CSMD3: variants seen among roughly 807,000 people sequenced by gnomAD.
CSMD3 encodes the protein CUB and Sushi multiple domains 3.
A neutral mutation model predicts 435.2 loss-of-function variants in CSMD3; 177 were observed. That is an observed-to-expected ratio of 0.41 (90% CI 0.36 to 0.46). The LOEUF is 0.46. CSMD3 is among the 20% of genes least tolerant of loss of function. The probability of loss-of-function intolerance (pLI) is 0.34; values close to 1 mark genes in which losing one functional copy is unlikely to be tolerated. For synonymous variants in CSMD3, 1,656 were observed against 1,520.5 expected (o/e 1.09, Z -2.07); for missense variants, 4,265 against 4,504.6 (o/e 0.95, Z 1.52).
chr8:112,952,765 T>G (rs1435419522), intron 8 of CSMD3, among the ~76,000 whole-genome samples: 1 of 151,690 alleles, frequency 6.6e-6, no homozygotes, highest in East Asian at 1.9e-4. Flanking sequence ...AATGAATAAA[T>G]GCAAAATTTA....
At position 112,697,228 on chromosome 8, in the gene CSMD3, T is replaced by C. The variant is rs371630890; in HGVS notation, c.1973-7178A>G. Reference sequence around the variant, plus strand: ...TTGACCCAGCCATCCCATTACTGGGTATATACCCAAAGGATTATAAATCAT... The same window carrying C: ...TTGACCCAGCCATCCCATTACTGGGCATATACCCAAAGGATTATAAATCAT... On this transcript the variant is annotated intron_variant, in intron 13 of 70. Coordinates refer to ENST00000297405, the MANE Select transcript of CSMD3 (RefSeq NM_198123.2). 2.6e-5 allele frequency among the ~76,000 whole-genome samples: 4 copies of C among 152,286 alleles called. No individual in the cohort carries two copies. In the South Asian group the frequency reaches 8.3e-4, roughly 32 times the overall value.
intron 32 of CSMD3, among the ~76,000 whole-genome samples, chr8:112,445,535 C>G (rs1236946280): frequency 1.3e-5 from 2 of 152,064 alleles, no homozygotes; most frequent in Non-Finnish European, 2.9e-5. Context: ...TTTAGACAAC[C>G]AGCTATCACA....
At chr8:112,606,705 G>A (rs1832818462) in intron 22 of CSMD3, among the ~76,000 whole-genome samples, 1 of 151,892 alleles carries the variant, frequency 6.6e-6, no homozygotes, top group Non-Finnish European at 1.5e-5. Context: ...TCAACTTAAT[G>A]GTATACAACT....
At chr8:112,373,075 G>C (rs1039302472) in intron 38 of CSMD3, among the ~76,000 whole-genome samples, 1 of 149,578 alleles carries the variant, frequency 6.7e-6, no homozygotes, top group African/African-American at 2.4e-5. Flanking sequence ...CACTTGCTGG[G>C]AGGAATCTCA....
intron 36 of CSMD3, among the ~76,000 whole-genome samples, chr8:112,386,725 C>T (rs1452704010): frequency 6.6e-6 from 1 of 151,974 alleles, no homozygotes; most frequent in Non-Finnish European, 1.5e-5. Context: ...TCGCTATCTC[C>T]TGACCTCGTG....
At chr8:113,108,158 G>A (rs148806249) in intron 4 of CSMD3, among the ~76,000 whole-genome samples, 1 of 152,186 alleles carries the variant, frequency 6.6e-6, no homozygotes, top group Non-Finnish European at 1.5e-5. Context: ...GGCTGGGGAT[G>A]GTGGCTCACA....
At chr8:113,300,292 G>A (rs1166043690) in intron 2 of CSMD3, among the ~76,000 whole-genome samples, 1 of 151,886 alleles carries the variant, frequency 6.6e-6, no homozygotes, top group Non-Finnish European at 1.5e-5. Flanking sequence ...TGAACTAAAT[G>A]TAGAACTACC....
chr8:112,524,931 A>T (rs529463314), intron 27 of CSMD3, among the ~76,000 whole-genome samples: 2 of 151,678 alleles, frequency 1.3e-5, no homozygotes, highest in South Asian at 4.2e-4. Flanking sequence ...CCTTTTTACT[A>T]TTTTTTCTAA....
At chr8:112,636,368 T>C (rs191824285) in intron 22 of CSMD3, among the ~76,000 whole-genome samples, 11 of 152,248 alleles carry the variant, frequency 7.2e-5, no homozygotes, top group Admixed American at 1.3e-4. Context: ...CTTTTATGCA[T>C]GTTAATTTTA....
intron 1 of CSMD3, among the ~76,000 whole-genome samples, chr8:113,366,257 A>C: frequency 6.6e-6 from 1 of 151,982 alleles, no homozygotes; most frequent in East Asian, 1.9e-4. Context: ...ACCTCACCAA[A>C]GAGCCCTCTG....
chr8:112,361,215 C>A (rs1827169064), intron 38 of CSMD3, among the ~76,000 whole-genome samples: 1 of 151,538 alleles, frequency 6.6e-6, no homozygotes, highest in Admixed American at 6.6e-5. Flanking sequence ...CGTTGGCAAC[C>A]AAAGCTGCTC....
intron 13 of CSMD3, among the ~76,000 whole-genome samples, chr8:112,727,529 T>A (rs2076991451): frequency 6.6e-6 from 1 of 151,896 alleles, no homozygotes; most frequent in African/African-American, 2.4e-5. Flanking sequence ...TCAAGATTCT[T>A]AATGACTTCA....
intron 38 of CSMD3, among the ~76,000 whole-genome samples, chr8:112,358,182 G>A (rs1228487340): frequency 1.3e-5 from 2 of 152,110 alleles, no homozygotes; most frequent in Non-Finnish European, 2.9e-5. Flanking sequence ...CATGGGGCCT[G>A]TAGCACCTTT....
chr8:112,810,279 T>G (rs1335456811), intron 12 of CSMD3, among the ~76,000 whole-genome samples: 1 of 151,440 alleles, frequency 6.6e-6, no homozygotes, highest in African/African-American at 2.5e-5. Flanking sequence ...GTAACTAATA[T>G]GTGTCTAAAT....
At chr8:113,294,959 A>T (rs1176491974) in intron 2 of CSMD3, among the ~76,000 whole-genome samples, 1 of 152,166 alleles carries the variant, frequency 6.6e-6, no homozygotes, top group Non-Finnish European at 1.5e-5. Flanking sequence ...TGTTTTACAC[A>T]TTTAATCCAC....
At chr8:113,365,643 T>G (rs2133019961) in intron 1 of CSMD3, among the ~76,000 whole-genome samples, 1 of 152,208 alleles carries the variant, frequency 6.6e-6, no homozygotes, top group African/African-American at 2.4e-5. Flanking sequence ...GTTGTCAGTA[T>G]CATACGATGA....
At chr8:112,550,425 AC>A (rs1179228765) in intron 27 of CSMD3, among the ~76,000 whole-genome samples, 2 of 151,810 alleles carry the variant, frequency 1.3e-5, no homozygotes, top group Non-Finnish European at 1.5e-5. Context: ...ATTTAACACC[AC>A]TTTTACTTTA....
chr8:112,341,510 G>A lies in CSMD3; in HGVS notation c.6619C>T (p.Gln2207Ter), dbSNP rs2130991103. Residue 2207 changes from glutamine to a stop codon, truncating the protein, a stop_gained, in exon 42 of 71, where the codon CAA becomes TAA. Coordinates refer to ENST00000297405, the MANE Select transcript of CSMD3 (RefSeq NM_198123.2). LOFTEE classifies it high-confidence loss of function. ...TSLYFHSDYS[Q>*]NKQGFHIVYQ... ...ACAATATGAAACCCTTGTTTGTTTT[G>A]TGAATAGTCACTGTGAAAATATAAG... The A allele has an allele frequency of 1.2e-6, 2 of 1,612,016 alleles. No homozygotes were observed. The highest frequency in any genetic ancestry group is 1.7e-6 in the Non-Finnish European group (2 of 1,178,706).
At position 112,491,005 on chromosome 8, in the gene CSMD3, G is replaced by A. The variant is rs771119831; in HGVS notation, c.5278+1484C>T. ...TTAACCAGCTGTTCTGGTAATGATG[G>A]ACCAATCAGAAGATGTCTACCATTT... On this transcript the variant is annotated intron_variant, in intron 31 of 70. Coordinates refer to ENST00000297405, the MANE Select transcript of CSMD3 (RefSeq NM_198123.2). Among the ~76,000 whole-genome samples, 34 of 152,160 alleles carry A rather than the reference G, an allele frequency of 2.2e-4. No individual in the cohort carries two copies. In the Middle Eastern group the frequency reaches 0.01, roughly 46 times the overall value.
Sources: gnomAD v4.1 joint callset for allele counts (sites outside exome capture counted in the v4.1 genomes callset) on GRCh38, gnomAD v4.1.1 for gene constraint, MANE v1.5 for transcripts, NCBI Gene and HGNC (gene_info 2026-07-23, HGNC 2026-07-21) for gene names.